CAST: variants seen among roughly 807,000 people sequenced by gnomAD.
CAST encodes the protein MIR583 host.
CAST carries 76 observed loss-of-function variants against 119.6 expected under a neutral mutation model. That is an observed-to-expected ratio of 0.64 (90% CI 0.53 to 0.77). CAST has a LOEUF of 0.77. Ranked by LOEUF, CAST falls within the 30% of genes least tolerant of loss-of-function variation. The pLI, the probability that CAST is intolerant of heterozygous loss-of-function variation, is 0.00. For missense variants in CAST, 953 were observed against 946.5 expected (o/e 1.01, Z -0.09); for synonymous variants, 319 against 331.6 (o/e 0.96, Z 0.41).
chr5:96,243,393 C>T, the CAST span, among the ~76,000 whole-genome samples: 2 of 150,672 alleles, frequency 1.3e-5, no homozygotes, highest in African/African-American at 4.9e-5. Context: ...GAAGAATTTT[C>T]TTCCTCTGTG....
chr5:96,040,283 C>T, the CAST span, among the ~76,000 whole-genome samples: 11 of 152,146 alleles, frequency 7.2e-5, no homozygotes, highest in East Asian at 1.9e-4. Context: ...CTGGGACGAT[C>T]GGGTTTTCTA....
chr5:96,611,068 T>C (rs991252658), intron 1 of CAST, among the ~76,000 whole-genome samples: 1 of 152,162 alleles, frequency 6.6e-6, no homozygotes, highest in Non-Finnish European at 1.5e-5. Context: ...TAAATGTCCA[T>C]ACTGCCCAAA....
chr5:96,548,262 AG>A (rs1342682760), intron 1 of CAST, among the ~76,000 whole-genome samples: 1 of 152,186 alleles, frequency 6.6e-6, no homozygotes, highest in African/African-American at 2.4e-5. Flanking sequence ...TTAATCAAAA[AG>A]GATTTGGGGT....
At chr5:96,576,714 G>T (rs1051748783) in intron 1 of CAST, among the ~76,000 whole-genome samples, 5 of 151,798 alleles carry the variant, frequency 3.3e-5, no homozygotes, top group Admixed American at 2.0e-4. Context: ...AGGGCTATTT[G>T]TATTACCTAT....
the CAST span, among the ~76,000 whole-genome samples, chr5:96,301,977 TC>T: frequency 6.6e-6 from 1 of 152,116 alleles, no homozygotes; most frequent in African/African-American, 2.4e-5. Flanking sequence ...ATGTTTCCTC[TC>T]CCCCTGCCCT....
At chr5:96,051,183 T>G in the CAST span, among the ~76,000 whole-genome samples, 1 of 152,290 alleles carries the variant, frequency 6.6e-6, no homozygotes, top group East Asian at 1.9e-4. Flanking sequence ...TATTGATGCT[T>G]GATTTTTCAT....
the CAST span, among the ~76,000 whole-genome samples, chr5:96,129,357 G>C: frequency 1.3e-5 from 2 of 152,102 alleles, no homozygotes; most frequent in Non-Finnish European, 2.9e-5. Context: ...GGCTAGGCTT[G>C]AGTGGATTTG....
At chr5:96,489,880 C>A in the CAST span, among the ~76,000 whole-genome samples, 3 of 152,172 alleles carry the variant, frequency 2.0e-5, no homozygotes, top group East Asian at 5.8e-4. Flanking sequence ...AGTCTAAGAA[C>A]AATTAATTTG....
At position 96,730,816 on chromosome 5, in the gene CAST, A is replaced by T. The variant is rs777283753; in HGVS notation, c.586A>T (p.Ser196Cys). Reference protein sequence around the residue: ...PQDMISAGGESVAGITAISGK... With the variant: ...PQDMISAGGECVAGITAISGK... ...AGACATGATTTCTGCTGGTGGAGAG[A>T]GTGTTGCTGGTATCACTGCAATATC... Residue 196 changes from serine to cysteine, a missense_variant, in exon 9 of 32, where the codon AGT becomes TGT. Ser to Cys is a moderately radical substitution (Grantham distance 112, BLOSUM62 -1). Transcript: ENST00000675179. 2 of 1,614,050 alleles carry T rather than the reference A, an allele frequency of 1.2e-6. No homozygotes were observed. The highest frequency in any genetic ancestry group is 1.1e-5 in the South Asian group (1 of 91,084).
chr5:96,300,938 G>T, the CAST span, among the ~76,000 whole-genome samples: 1 of 141,598 alleles, frequency 7.1e-6, no homozygotes, highest in Middle Eastern at 4.2e-3. Flanking sequence ...AATAATTTTT[G>T]TGTGTTGATT....
chr5:95,965,865 T>TTGAATAATTTTTATTGTATTGTG, the CAST span, among the ~76,000 whole-genome samples: 2 of 152,236 alleles, frequency 1.3e-5, no homozygotes, highest in Admixed American at 1.3e-4. Context: ...AGGTTTTAAG[T>TTGAATAATTTTTATTGTATTGTG]TGAATAATTT....
At chr5:96,760,197 G>A (rs1767450024) in intron 24 of CAST, among the ~76,000 whole-genome samples, 1 of 151,908 alleles carries the variant, frequency 6.6e-6, no homozygotes, top group South Asian at 2.1e-4. Context: ...TTACTTAAAT[G>A]TGTAGATGTA....
At chr5:96,384,956 C>T in the CAST span, among the ~76,000 whole-genome samples, 7 of 152,152 alleles carry the variant, frequency 4.6e-5, no homozygotes, top group Non-Finnish European at 1.0e-4. Flanking sequence ...AACATACACA[C>T]CCCACACCAC....
At chr5:96,658,235 T>A (rs1314190550), upstream of CAST, among the ~76,000 whole-genome samples, 2 of 152,066 alleles carry the variant, frequency 1.3e-5, no homozygotes, top group Non-Finnish European at 2.9e-5. Context: ...CATGCACACA[T>A]CATCCCAAAT....
At chr5:96,127,241 A>C in the CAST span, among the ~76,000 whole-genome samples, 1 of 152,132 alleles carries the variant, frequency 6.6e-6, no homozygotes, top group African/African-American at 2.4e-5. Context: ...ATCATTACAA[A>C]TTACAATTTT....
At chr5:96,287,125 ATTGTGTGT>A in the CAST span, among the ~76,000 whole-genome samples, 651 of 152,118 alleles carry the variant, frequency 4.3e-3, 3 homozygotes, top group African/African-American at 0.015. Context: ...GTTCTCAACA[ATTGTGTGT>A]TTGTGTACCT....
At chr5:96,190,954 C>T in the CAST span, among the ~76,000 whole-genome samples, 6 of 152,122 alleles carry the variant, frequency 3.9e-5, no homozygotes, top group South Asian at 8.3e-4. Flanking sequence ...ATATTGAGCT[C>T]CCACTTATAA....
At chr5:96,745,103 C>T (rs1763488340) in intron 16 of CAST, among the ~76,000 whole-genome samples, 1 of 152,236 alleles carries the variant, frequency 6.6e-6, no homozygotes, top group South Asian at 2.1e-4. Context: ...TGGGGAGGAC[C>T]GTCTTAATAC....
the CAST span, among the ~76,000 whole-genome samples, chr5:96,495,283 G>A: frequency 6.6e-6 from 1 of 151,960 alleles, no homozygotes; most frequent in Non-Finnish European, 1.5e-5. Context: ...TAAGTTCTGG[G>A]ATGTATGTGC....
Sources: gnomAD v4.1 joint callset for allele counts (sites outside exome capture counted in the v4.1 genomes callset) on GRCh38, gnomAD v4.1.1 for gene constraint, MANE v1.5 for transcripts, NCBI Gene and HGNC (gene_info 2026-07-23, HGNC 2026-07-21) for gene names.